Variants in PKHD1 observed in about 807,000 individuals in gnomAD.
PKHD1 encodes PKHD1 ciliary IPT domain containing fibrocystin/polyductin.
A neutral mutation model predicts 412.0 loss-of-function variants in PKHD1; 291 were observed. The observed-to-expected ratio is 0.71, with a 90% CI of 0.64 to 0.78. The LOEUF is 0.78. PKHD1 is among the 30% of genes least tolerant of loss of function. The pLI, the probability that PKHD1 is intolerant of heterozygous loss-of-function variation, is 0.00. For synonymous variants in PKHD1, 1,777 were observed against 1,821.5 expected, an observed-to-expected ratio of 0.98 and a Z score of 0.62; for missense variants, 4,825 against 4,950.7, an observed-to-expected ratio of 0.97 and a Z score of 0.76.
intron 45 of PKHD1, among the ~76,000 whole-genome samples, chr6:51,885,104 A>G (rs1296498544): frequency 1.3e-5 from 2 of 152,178 alleles, no homozygotes; most frequent in African/African-American, 2.4e-5. Context: ...CTTCACCTAT[A>G]TATCTTATGT....
rs758812102 is a variant in PKHD1, at chr6:52,046,003, C to G, written c.2592+1G>C. Reference sequence around the variant, plus strand: ...GCCACTAGAAGGGATACTATACATACCCTGATAAAATTGGGCAAATCCCCA... The same window carrying G: ...GCCACTAGAAGGGATACTATACATAGCCTGATAAAATTGGGCAAATCCCCA... On this transcript the variant is annotated splice_donor_variant, in intron 24 of 66. Coordinates refer to ENST00000371117, the MANE Select transcript of PKHD1 (RefSeq NM_138694.4). LOFTEE classifies it high-confidence loss of function. 3 of 1,609,318 alleles carry G rather than the reference C, an allele frequency of 1.9e-6. No individual in the cohort carries two copies. Among genetic ancestry groups the G allele is most frequent in the Non-Finnish European group, 2.6e-6 (3 of 1,175,934 alleles).
Position 52,010,554 on chromosome 6 carries a change from G to A in PKHD1, c.5601-95C>T, listed in dbSNP as rs1562123268. ...TAATCATTGCAAGCCATTAGCTTGT[G>A]GCAACTACAGGCCACCATTTGTCAA... On this transcript the variant is annotated intron_variant, in intron 34 of 66. Transcript: ENST00000371117. 3 of 1,027,660 alleles carry A rather than the reference G, an allele frequency of 2.9e-6. No homozygotes were observed. The East Asian group carries it at 7.2e-5, about 25-fold the overall frequency. 63.7% of individuals were successfully genotyped at this position (1,027,660 alleles called of 1,614,324 possible). A position where few individuals can be genotyped will look rare whatever the true frequency, so the allele number is the denominator to read the frequency against.
intron 34 of PKHD1, among the ~76,000 whole-genome samples, chr6:52,010,872 T>C (rs1199408920): frequency 6.6e-6 from 1 of 152,116 alleles, no homozygotes; most frequent in African/African-American, 2.4e-5. Flanking sequence ...TACTTAGTGT[T>C]GGGGGAGTAA....
chr6:51,645,788 G>T (rs1363177110), intron 63 of PKHD1, among the ~76,000 whole-genome samples: 1 of 152,136 alleles, frequency 6.6e-6, no homozygotes, highest in Non-Finnish European at 1.5e-5. Context: ...GCAGAGATTT[G>T]CTTGAGTCCT....
chr6:51,796,269 C>A (rs970046083), intron 52 of PKHD1, among the ~76,000 whole-genome samples: 43 of 152,030 alleles, frequency 2.8e-4, no homozygotes, highest in African/African-American at 1.0e-3. Context: ...ATCCATTTCT[C>A]CCAAATTTTC....
At chr6:51,801,485 A>G (rs1192707742) in intron 52 of PKHD1, among the ~76,000 whole-genome samples, 3 of 150,224 alleles carry the variant, frequency 2.0e-5, no homozygotes, top group African/African-American at 7.3e-5. Flanking sequence ...AAATCCACAC[A>G]GGTGGTTTCT....
intron 52 of PKHD1, among the ~76,000 whole-genome samples, chr6:51,827,178 C>T (rs1247193871): frequency 6.6e-6 from 1 of 151,894 alleles, no homozygotes; most frequent in African/African-American, 2.4e-5. Flanking sequence ...ATTTAGCTCC[C>T]AAGGATGTTG....
chr6:51,637,602 T>C (rs894869283), intron 64 of PKHD1, among the ~76,000 whole-genome samples: 8 of 131,700 alleles, frequency 6.1e-5, no homozygotes, highest in Non-Finnish European at 1.3e-4. Context: ...ATAGTCTTTT[T>C]GTTAAAAAAA....
Position 51,649,231 on chromosome 6 carries a change from T to C in PKHD1, c.11175-11A>G, listed in dbSNP as rs761899122. The C allele has an allele frequency of 1.2e-6, 2 of 1,601,086 alleles. No individual in the cohort carries two copies. Among genetic ancestry groups the C allele is most frequent in the Admixed American group, 1.7e-5 (1 of 59,952 alleles). ...AAACTGCTTGTATTTCTGACAGATA[T>C]AAAAACAAACAAAATACATCCTTAG... On this transcript the variant is annotated splice_polypyrimidine_tract_variant and intron_variant, in intron 61 of 66. Transcript: ENST00000371117.
At chr6:51,653,749 G>A (rs1270318170) in intron 61 of PKHD1, among the ~76,000 whole-genome samples, 1 of 152,064 alleles carries the variant, frequency 6.6e-6, no homozygotes, top group East Asian at 1.9e-4. Context: ...TAGCTGTTAA[G>A]TAAGCCTAGG....
At chr6:52,034,821 G>C (rs1803678446) in intron 28 of PKHD1, among the ~76,000 whole-genome samples, 1 of 152,150 alleles carries the variant, frequency 6.6e-6, no homozygotes, top group African/African-American at 2.4e-5. Flanking sequence ...ACATATAAAA[G>C]CTAGCTTTTC....
rs1266885890 is a variant in PKHD1, at chr6:51,883,190, T to C, written c.7253A>G (p.Lys2418Arg). The C allele has an allele frequency of 1.2e-6, 2 of 1,612,040 alleles. No homozygotes were observed. Among genetic ancestry groups the C allele is most frequent in the Admixed American group, 1.7e-5 (1 of 60,014 alleles). ...RSSNLRLKNF[K>R]VYSCRDFGID... is the part of the protein sequence containing the mutation. ...TCCAAAATCTCTGCATGAATAAACT[T>C]TGAAGTTTTTCAGGCGAAGATTGCT... The change falls in exon 46 of 67, where the codon AAA (lysine) becomes AGA (arginine). Residue 2418 changes from lysine to arginine, a missense_variant. By Grantham distance (26) the Lys-to-Arg change is conservative (BLOSUM62 2). Transcript: ENST00000371117.
chr6:51,782,649 T>C lies in PKHD1; in HGVS notation c.8441-6728A>G, dbSNP rs563979060. Among the ~76,000 whole-genome samples, 9 of 152,334 alleles carry C rather than the reference T, an allele frequency of 5.9e-5. No homozygotes were observed. The South Asian group carries it at 1.7e-3, about 28-fold the overall frequency. Reference sequence around the variant, plus strand: ...TAACCATCTATTTTGCAGGTATCTATGTACACTTATATTATACACATTGCA... The same window carrying C: ...TAACCATCTATTTTGCAGGTATCTACGTACACTTATATTATACACATTGCA... On this transcript the variant is annotated intron_variant, in intron 53 of 66. Coordinates refer to ENST00000371117, the MANE Select transcript of PKHD1 (RefSeq NM_138694.4).
chr6:51,902,644 TGA>T (rs1310146249), intron 43 of PKHD1, among the ~76,000 whole-genome samples: 1 of 152,160 alleles, frequency 6.6e-6, no homozygotes, highest in Non-Finnish European at 1.5e-5. Flanking sequence ...TAGTGGATGC[TGA>T]GAGGAGTTTC....
chr6:52,013,414 T>C (rs993602828), intron 34 of PKHD1, among the ~76,000 whole-genome samples: 2 of 152,216 alleles, frequency 1.3e-5, no homozygotes, highest in Non-Finnish European at 2.9e-5. Flanking sequence ...GAAATGTTTT[T>C]CATTAAAAAG....
At chr6:51,752,317 C>T (rs528464738) in intron 57 of PKHD1, among the ~76,000 whole-genome samples, 1 of 152,208 alleles carries the variant, frequency 6.6e-6, no homozygotes, top group South Asian at 2.1e-4. Flanking sequence ...CCCATACATG[C>T]CAGAAGCTCC....
chr6:51,731,346 T>A (rs1279877783), intron 60 of PKHD1, among the ~76,000 whole-genome samples: 1 of 152,226 alleles, frequency 6.6e-6, no homozygotes, highest in Admixed American at 6.5e-5. Context: ...GCTCCTCTTG[T>A]GGAACACTGA....
chr6:51,730,820 C>T (rs911497721), intron 60 of PKHD1, among the ~76,000 whole-genome samples: 1 of 152,166 alleles, frequency 6.6e-6, no homozygotes, highest in Non-Finnish European at 1.5e-5. Context: ...TATGCATACA[C>T]ATGAAAATAT....
chr6:51,922,295 G>A (rs899214271), intron 37 of PKHD1, among the ~76,000 whole-genome samples: 1 of 152,196 alleles, frequency 6.6e-6, no homozygotes, highest in Non-Finnish European at 1.5e-5. Context: ...AGCAAATGTT[G>A]CTGCCTGATC....
Sources: gnomAD v4.1 joint callset for allele counts (sites outside exome capture counted in the v4.1 genomes callset) on GRCh38, gnomAD v4.1.1 for gene constraint, MANE v1.5 for transcripts, NCBI Gene and HGNC (gene_info 2026-07-23, HGNC 2026-07-21) for gene names.